Variants in PDE1A observed in about 807,000 individuals in gnomAD.
PDE1A encodes dual specificity calcium/calmodulin-dependent 3',5'-cyclic nucleotide phosphodiesterase 1A.
A neutral mutation model predicts 61.7 loss-of-function variants in PDE1A; 35 were observed. The ratio of observed to expected loss-of-function variants is 0.57; its 90% CI spans 0.43 to 0.75. PDE1A has a LOEUF of 0.75. Among genes scored for constraint, PDE1A ranks in the 30% least tolerant of loss-of-function variants. The pLI is 0.00. For synonymous variants in PDE1A, 232 were observed against 213.2 expected, an observed-to-expected ratio of 1.09 and a Z score of -0.77; for missense variants, 597 against 630.6, an observed-to-expected ratio of 0.95 and a Z score of 0.57.
intron 2 of PDE1A, chr2:182,241,976 A>C (rs1366622689): frequency 6.8e-7 from 1 of 1,479,630 alleles, no homozygotes; most frequent in African/African-American, 1.4e-5. Context: ...TGAAAATATC[A>C]CTACTTTAAA....
chr2:182,322,577 C>A (rs911094684), intron 1 of PDE1A, among the ~76,000 whole-genome samples: 5 of 152,178 alleles, frequency 3.3e-5, no homozygotes, highest in Admixed American at 3.3e-4. Flanking sequence ...ATAAATTACC[C>A]AGTCTCAGAA....
At chr2:182,578,058 T>C in the PDE1A span, among the ~76,000 whole-genome samples, 2 of 152,024 alleles carry the variant, frequency 1.3e-5, no homozygotes, top group Non-Finnish European at 2.9e-5. Context: ...AAAAAGTGTC[T>C]TTGCACAAGG....
intron 1 of PDE1A, among the ~76,000 whole-genome samples, chr2:182,274,455 T>C (rs1055717358): frequency 6.6e-6 from 1 of 152,074 alleles, no homozygotes; most frequent in Non-Finnish European, 1.5e-5. Flanking sequence ...CCATGGCAGA[T>C]ACTATTGGAG....
Position 182,489,798 on chromosome 2 carries a change from G to A in PDE1A, c.101+32478C>T, listed in dbSNP as rs554095117. Among the ~76,000 whole-genome samples, 233 of 132,928 alleles carry A rather than the reference G, an allele frequency of 1.8e-3. 1 individual carries two copies. Among genetic ancestry groups the A allele is most frequent in the African/African-American group, 6.8e-3 (227 of 33,212 alleles). 87.2% of individuals were successfully genotyped at this position (132,928 alleles called of 152,430 possible). On this transcript the variant is annotated intron_variant, in intron 2 of 14. Transcript: ENST00000410103. ...ATGTTCAGTCTGAGCAACAAGAGGT[G>A]TTGGATAAACTGTAGTTAAGTCTGG...
intron 1 of PDE1A, among the ~76,000 whole-genome samples, chr2:182,264,927 TA>T: frequency 8.1e-6 from 1 of 123,848 alleles, no homozygotes; most frequent in Non-Finnish European, 1.7e-5. Flanking sequence ...TACTCAGCCA[TA>T]AAAAGGAATA....
chr2:182,598,129 C>T, the PDE1A span, among the ~76,000 whole-genome samples: 2 of 152,216 alleles, frequency 1.3e-5, no homozygotes, highest in Admixed American at 1.3e-4. Context: ...GCTTCATCTT[C>T]AAATGCTCAG....
At chr2:182,263,942 A>G (rs767154629) in intron 2 of PDE1A, among the ~76,000 whole-genome samples, 91 of 152,308 alleles carry the variant, frequency 6.0e-4, no homozygotes, top group Non-Finnish European at 1.1e-3. Flanking sequence ...GACATTTGAG[A>G]TAATAGGGAA....
At chr2:182,463,943 GGC>G (rs948401700) in intron 2 of PDE1A, among the ~76,000 whole-genome samples, 1 of 152,102 alleles carries the variant, frequency 6.6e-6, no homozygotes, top group African/African-American at 2.4e-5. Flanking sequence ...AGAAACTTCT[GGC>G]AAGGATATGA....
the PDE1A span, among the ~76,000 whole-genome samples, chr2:182,588,589 T>C: frequency 6.6e-6 from 1 of 152,210 alleles, no homozygotes; most frequent in Admixed American, 6.5e-5. Flanking sequence ...TGTCACCTCA[T>C]ATTTAAAAAG....
At chr2:182,349,843 G>A (rs1206004828) in intron 1 of PDE1A, among the ~76,000 whole-genome samples, 3 of 152,106 alleles carry the variant, frequency 2.0e-5, no homozygotes, top group Non-Finnish European at 2.9e-5. Flanking sequence ...AGCCTCTGGA[G>A]GGTAACAGTA....
At chr2:182,621,989 T>C in the PDE1A span, among the ~76,000 whole-genome samples, 2 of 152,216 alleles carry the variant, frequency 1.3e-5, no homozygotes, top group African/African-American at 2.4e-5. Context: ...GAAAATCTAA[T>C]TAATGGCTTC....
chr2:182,203,315 G>A (rs1027948988), intron 8 of PDE1A, among the ~76,000 whole-genome samples: 13 of 142,834 alleles, frequency 9.1e-5, no homozygotes, highest in Admixed American at 2.2e-4. Flanking sequence ...GCAAGACTCC[G>A]TCTGAAAAAA....
Position 182,201,472 on chromosome 2 carries a change from C to T in PDE1A, c.1092G>A (p.Trp364Ter). The T allele has an allele frequency of 1.2e-6, 2 of 1,614,004 alleles. No individual in the cohort carries two copies. The highest frequency in any genetic ancestry group is 1.7e-6 in the Non-Finnish European group (2 of 1,179,966). Reference sequence around the variant, plus strand: ...AAAACTCCTCCATTAGGGCCATGGTCCACCGATAATGCAGCTTCCAGGATT... The same window carrying T: ...AAAACTCCTCCATTAGGGCCATGGTTCACCGATAATGCAGCTTCCAGGATT... Residue 364 changes from tryptophan to a stop codon, truncating the protein, a stop_gained, in exon 10 of 14, where the codon TGG becomes TGA. Transcript: ENST00000351439. LOFTEE classifies it high-confidence loss of function.
At chr2:182,539,478 T>C in the PDE1A span, among the ~76,000 whole-genome samples, 1 of 152,194 alleles carries the variant, frequency 6.6e-6, no homozygotes, top group African/African-American at 2.4e-5. Context: ...AAAGGAACAT[T>C]CGTGAGCATA....
chr2:182,321,427 T>A (rs2124831694), intron 1 of PDE1A, among the ~76,000 whole-genome samples: 1 of 152,278 alleles, frequency 6.6e-6, no homozygotes, highest in East Asian at 1.9e-4. Flanking sequence ...CTATGAAAAA[T>A]TAACTTTCCT....
chr2:182,461,793 C>T (rs916150509), intron 2 of PDE1A, among the ~76,000 whole-genome samples: 3 of 152,140 alleles, frequency 2.0e-5, no homozygotes, highest in Non-Finnish European at 4.4e-5. Context: ...CTGCATATCT[C>T]AGCTGTCCTT....
In PDE1A at chr2:182,309,168, T is replaced by C. The variant is rs1471810414; in HGVS notation, c.54-44754A>G. ...ATTTTTGTTTATTTAAGAGACTCAA[T>C]TGCATTAATTCTGAAAGGAGACAAG... On this transcript the variant is annotated intron_variant, in intron 1 of 13. Transcript: ENST00000351439. Among the ~76,000 whole-genome samples, 3 of 152,052 alleles carry C rather than the reference T, an allele frequency of 2.0e-5. No homozygotes were observed. The East Asian group carries it at 5.8e-4, about 29-fold the overall frequency.
At chr2:182,516,861 G>T in intron 2 of PDE1A, among the ~76,000 whole-genome samples, 1 of 147,058 alleles carries the variant, frequency 6.8e-6, no homozygotes, top group Non-Finnish European at 1.5e-5. Flanking sequence ...GAGGGAGGGA[G>T]GGAGGAAGAT....
chr2:182,361,020 C>A (rs1699473094), intron 1 of PDE1A, among the ~76,000 whole-genome samples: 2 of 152,064 alleles, frequency 1.3e-5, no homozygotes, highest in Admixed American at 1.3e-4. Flanking sequence ...AGTCCTCCAA[C>A]AACTTGGGAA....
Sources: allele counts gnomAD v4.1 joint callset (sites outside exome capture counted in the v4.1 genomes callset), GRCh38; gene constraint gnomAD v4.1.1; transcripts MANE v1.5; gene names NCBI Gene and HGNC (gene_info 2026-07-23, HGNC 2026-07-21).